GUCY1A2: variants seen among roughly 807,000 people sequenced by gnomAD.
GUCY1A2 encodes the protein guanylate cyclase soluble subunit alpha-2.
In GUCY1A2, 27 loss-of-function variants were observed where a neutral mutation model predicts 63.5. The ratio of observed to expected loss-of-function variants is 0.43; its 90% CI spans 0.31 to 0.59. The LOEUF (loss-of-function observed/expected upper bound fraction) is 0.59. GUCY1A2 is among the 20% of genes least tolerant of loss of function. The pLI is 0.11. For missense variants in GUCY1A2, 768 were observed against 913.3 expected, an observed-to-expected ratio of 0.84 and a Z score of 2.05; for synonymous variants, 364 against 343.5, an observed-to-expected ratio of 1.06 and a Z score of -0.66.
intron 2 of GUCY1A2, among the ~76,000 whole-genome samples, chr11:106,982,562 C>T (rs567513011): frequency 5.9e-5 from 9 of 152,276 alleles, no homozygotes; most frequent in South Asian, 2.1e-4. Context: ...ACAAAGTCAA[C>T]CTGACACGAT....
chr11:106,788,942 C>A (rs1864612528), intron 5 of GUCY1A2, among the ~76,000 whole-genome samples: 1 of 152,128 alleles, frequency 6.6e-6, no homozygotes, highest in African/African-American at 2.4e-5. Flanking sequence ...TGAAGAATGT[C>A]ATTGGTATTT....
intron 4 of GUCY1A2, among the ~76,000 whole-genome samples, chr11:106,918,187 A>G (rs1245399044): frequency 6.9e-6 from 1 of 144,576 alleles, no homozygotes; most frequent in Non-Finnish European, 1.6e-5. Context: ...GGGCACTGTA[A>G]GGACTATCTG....
intron 4 of GUCY1A2, among the ~76,000 whole-genome samples, chr11:106,862,499 C>CA (rs1410540560): frequency 1.3e-5 from 2 of 151,538 alleles, no homozygotes; most frequent in South Asian, 2.1e-4. Context: ...AAACAACAAA[C>CA]AAAAAAACCA....
At chr11:106,729,646 A>T (rs1466825270) in intron 6 of GUCY1A2, among the ~76,000 whole-genome samples, 3 of 152,100 alleles carry the variant, frequency 2.0e-5, no homozygotes. Flanking sequence ...CACAGCAAAA[A>T]ATGATTCCCT....
At chr11:106,907,844 T>C (rs1860234903) in intron 4 of GUCY1A2, among the ~76,000 whole-genome samples, 1 of 152,094 alleles carries the variant, frequency 6.6e-6, no homozygotes, top group East Asian at 1.9e-4. Context: ...TTTGCTATTG[T>C]GAATAGTGCC....
chr11:106,866,261 G>A (rs1326979010), intron 4 of GUCY1A2, among the ~76,000 whole-genome samples: 1 of 151,814 alleles, frequency 6.6e-6, no homozygotes, highest in East Asian at 1.9e-4. Flanking sequence ...AAAAATGAAA[G>A]AAGGAAGGGA....
At chr11:106,890,299 T>C (rs561908404) in intron 4 of GUCY1A2, among the ~76,000 whole-genome samples, 37 of 152,316 alleles carry the variant, frequency 2.4e-4, no homozygotes, top group Middle Eastern at 3.4e-3. Context: ...CAACCTGTTC[T>C]AGCTAATTTA....
intron 4 of GUCY1A2, among the ~76,000 whole-genome samples, chr11:106,848,372 C>A (rs1228097747): frequency 3.3e-5 from 5 of 151,502 alleles, no homozygotes; most frequent in Non-Finnish European, 7.4e-5. Context: ...TTTAAAGTAA[C>A]AGAAAAATCA....
chr11:106,770,416 C>T (rs1453536664), intron 6 of GUCY1A2, among the ~76,000 whole-genome samples: 1 of 152,072 alleles, frequency 6.6e-6, no homozygotes, highest in Non-Finnish European at 1.5e-5. Context: ...GGATGCAGAA[C>T]TCATGGATAT....
chr11:106,857,191 G>A (rs920438892), intron 4 of GUCY1A2, among the ~76,000 whole-genome samples: 2 of 152,164 alleles, frequency 1.3e-5, no homozygotes, highest in Non-Finnish European at 2.9e-5. Flanking sequence ...TAGTTTTGGA[G>A]GTTGGAGGTC....
chr11:106,947,190 C>G (rs1860841295), intron 3 of GUCY1A2, among the ~76,000 whole-genome samples: 1 of 149,666 alleles, frequency 6.7e-6, no homozygotes, highest in African/African-American at 2.5e-5. Flanking sequence ...GCACTCCAGC[C>G]TGGGTGACAA....
intron 5 of GUCY1A2, among the ~76,000 whole-genome samples, chr11:106,780,652 A>G (rs1027917796): frequency 2.0e-5 from 3 of 152,194 alleles, no homozygotes; most frequent in Non-Finnish European, 4.4e-5. Context: ...AGCAAGTTAC[A>G]TGGCTATGCT....
Position 106,986,108 on chromosome 11 carries a change from G to A in GUCY1A2, c.327C>T (p.Leu109=), listed in dbSNP as rs771913758. The change falls in exon 2 of 8, where the codon CTC becomes CTT. Residue 109 remains leucine (L), a synonymous_variant. Coordinates refer to ENST00000526355, the MANE Select transcript of GUCY1A2 (RefSeq NM_000855.3). ...GTTCATAATACTGCAGTGTCCTCTT[G>A]AGAGTCTGCTGTATCGTCTGAGGCT... ...APSPQTIQQT[L]KRTLQYYEHQ... 3 of 1,504,458 alleles carry A rather than the reference G, an allele frequency of 2.0e-6. No individual in the cohort carries two copies. The highest frequency in any genetic ancestry group is 1.1e-5 in the South Asian group (1 of 88,740). 93.2% of individuals were successfully genotyped at this position (1,504,458 alleles called of 1,614,324 possible).
Position 106,687,515 on chromosome 11 carries a change from GC to G in GUCY1A2, c.*33del. 2 of 1,511,736 alleles carry G rather than the reference GC, an allele frequency of 1.3e-6. No individual in the cohort carries two copies. The highest frequency in any genetic ancestry group is 1.8e-6 in the Non-Finnish European group (2 of 1,087,318). 93.6% of individuals were successfully genotyped at this position (1,511,736 alleles called of 1,614,324 possible). ...TTGGTGACCCATGTTCTGGGCTTGT[GC>G]TTTTTGGAGGAGTCTTTGATCTGTA... On this transcript the variant is annotated 3_prime_UTR_variant, in exon 8 of 8. Transcript: ENST00000526355.
Position 106,939,556 on chromosome 11 carries a change from C to G in GUCY1A2, c.1110G>C (p.Lys370Asn). 6.2e-7 allele frequency: 1 copy of G among 1,614,004 alleles called. No individual in the cohort carries two copies. Among genetic ancestry groups the G allele is most frequent in the Non-Finnish European group, 8.5e-7 (1 of 1,179,862 alleles). Residue 370 changes from lysine (K) to asparagine (N), a missense_variant, in exon 4 of 8, where the codon AAG becomes AAC. Transcript: ENST00000526355. ...FEDCFEIVSPKVNATFERVLL... is the reference protein window; with the variant it reads ...FEDCFEIVSPNVNATFERVLL... ...GGACCCTTTCAAAGGTGGCATTAAC[C>G]TTTGGAGATACAATCTCGAAGCAGT... is the stretch of plus-strand genomic sequence containing the variant.
intron 6 of GUCY1A2, among the ~76,000 whole-genome samples, chr11:106,743,739 C>CA (rs1336427272): frequency 2.0e-5 from 3 of 152,152 alleles, no homozygotes; most frequent in African/African-American, 7.2e-5. Context: ...GAAAGCCATT[C>CA]AGTTTGTAAA....
intron 4 of GUCY1A2, among the ~76,000 whole-genome samples, chr11:106,878,235 C>A (rs191731700): frequency 4.6e-5 from 7 of 152,120 alleles, no homozygotes; most frequent in Non-Finnish European, 4.4e-5. Context: ...CCTCAAAGAC[C>A]TAAAAACATA....
At chr11:106,760,936 T>C (rs1227312866) in intron 6 of GUCY1A2, among the ~76,000 whole-genome samples, 2 of 152,164 alleles carry the variant, frequency 1.3e-5, no homozygotes, top group African/African-American at 2.4e-5. Context: ...AAAATAGTAA[T>C]ACTCTGATAA....
chr11:106,990,585 C>G lies in GUCY1A2; in HGVS notation c.304-4454G>C, dbSNP rs186901323. On this transcript the variant is annotated intron_variant, in intron 1 of 7. Coordinates refer to ENST00000526355, the MANE Select transcript of GUCY1A2 (RefSeq NM_000855.3). ...AGAGTAAAGATGTGTCTCTCTCTCT[C>G]TGTGTGTGTGTGTGTGCGCGCACGC... Among the ~76,000 whole-genome samples, 1,464 of 151,844 alleles carry G rather than the reference C, an allele frequency of 9.6e-3. 16 individuals are homozygous for G. Among genetic ancestry groups the G allele is most frequent in the African/African-American group, 0.016 (654 of 41,474 alleles).
Sources: allele counts gnomAD v4.1 joint callset (sites outside exome capture counted in the v4.1 genomes callset), GRCh38; gene constraint gnomAD v4.1.1; transcripts MANE v1.5; gene names NCBI Gene and HGNC (gene_info 2026-07-23, HGNC 2026-07-21).